The following FGGY variants were observed in gnomAD, a reference collection of about 807,000 sequenced individuals.
FGGY encodes the protein FGGY carbohydrate kinase domain-containing protein.
FGGY carries 72 observed loss-of-function variants against 71.3 expected under a neutral mutation model. That is an observed-to-expected ratio of 1.01 (90% CI 0.84 to 1.23). The LOEUF (loss-of-function observed/expected upper bound fraction) is 1.23. Among genes scored for constraint, FGGY ranks in the 50% most tolerant of loss-of-function variants. The pLI is 0.00. For missense variants in FGGY, 668 were observed against 682.3 expected, an observed-to-expected ratio of 0.98 and a Z score of 0.23; for synonymous variants, 251 against 250.3, an observed-to-expected ratio of 1.00 and a Z score of -0.02.
chr1:59,332,729 T>C lies in FGGY; in HGVS notation c.202-7229T>C, dbSNP rs2048736609. On this transcript the variant is annotated intron_variant, in intron 2 of 15. Coordinates refer to ENST00000303721, the MANE Select transcript of FGGY (RefSeq NM_018291.5). ...AGGTCTGTTGAGGGGATTCATAACA[T>C]ACATTGAAGAAAATATTTTCCTTGC... Among the ~76,000 whole-genome samples the C allele has an allele frequency of 2.6e-5, 4 of 152,204 alleles. No individual in the cohort carries two copies. In the South Asian group the frequency reaches 8.3e-4, roughly 32 times the overall value.
rs1462774385 is a variant in FGGY, at chr1:59,660,272, GGCC to G, written c.1276_1278del (p.Ala426del). On this transcript the variant is annotated inframe_deletion, in exon 12 of 16. Transcript: ENST00000303721. ...TTGATGATCTTGCCATTCTCTACCTGGCCACAGTTCAAGCCATTGCTGTAAGAT... is the reference window on the plus strand; with the variant it reads ...TTGATGATCTTGCCATTCTCTACCTGACAGTTCAAGCCATTGCTGTAAGAT... 1 of 1,613,202 alleles carries G rather than the reference GGCC, an allele frequency of 6.2e-7. No homozygotes were observed. The highest frequency in any genetic ancestry group is 8.5e-7 in the Non-Finnish European group (1 of 1,179,970).
chr1:59,735,424 G>A (rs2101061681), intron 14 of FGGY, among the ~76,000 whole-genome samples: 1 of 152,334 alleles, frequency 6.6e-6, no homozygotes, highest in African/African-American at 2.4e-5. Flanking sequence ...TTTGACACCA[G>A]GTGATATTGT....
At chr1:59,553,011 C>T (rs748141071) in intron 7 of FGGY, among the ~76,000 whole-genome samples, 21 of 152,168 alleles carry the variant, frequency 1.4e-4, no homozygotes, top group Admixed American at 7.2e-4. Flanking sequence ...CAGGGAGAAT[C>T]GTCTGTCCTA....
At chr1:59,625,853 T>C (rs2096851275) in intron 9 of FGGY, 135 bp from the exon 10 acceptor site, 2 of 558,300 alleles carry the variant, frequency 3.6e-6, no homozygotes, top group African/African-American at 1.9e-5. Flanking sequence ...TCTTGCTACA[T>C]TGGCATTTTA....
chr1:59,374,472 G>C (rs1233191951), intron 4 of FGGY, among the ~76,000 whole-genome samples: 10 of 152,082 alleles, frequency 6.6e-5, no homozygotes, highest in South Asian at 2.1e-4. Context: ...TAAACTAGTT[G>C]AACCATTGTG....
intron 5 of FGGY, among the ~76,000 whole-genome samples, chr1:59,418,297 A>G (rs2064815536): frequency 6.6e-6 from 1 of 152,210 alleles, no homozygotes; most frequent in Admixed American, 6.6e-5. Context: ...ATCTGTTTCA[A>G]CTATTGAACT....
At chr1:59,459,713 A>G (rs72915603) in intron 6 of FGGY, among the ~76,000 whole-genome samples, 2,853 of 152,310 alleles carry the variant, frequency 0.019, 102 homozygotes, top group African/African-American at 0.066. Flanking sequence ...CAGCAGGGAG[A>G]AAGGACCTTA....
chr1:59,542,682 C>G (rs1229275812), intron 7 of FGGY, among the ~76,000 whole-genome samples: 1 of 152,010 alleles, frequency 6.6e-6, no homozygotes, highest in Non-Finnish European at 1.5e-5. Context: ...TCTCGAGCTC[C>G]CAATCTCAGG....
intron 10 of FGGY, among the ~76,000 whole-genome samples, chr1:59,636,447 C>T (rs12728019): frequency 0.038 from 5,707 of 152,036 alleles, 138 homozygotes; most frequent in South Asian, 0.095. Context: ...CGGTGAAGCC[C>T]CGTCTATACT....
intron 8 of FGGY, among the ~76,000 whole-genome samples, chr1:59,573,100 A>C (rs2096014400): frequency 6.6e-6 from 1 of 152,208 alleles, no homozygotes; most frequent in Admixed American, 6.5e-5. Context: ...TAGTCTTCAA[A>C]AATGCCAAGG....
intron 11 of FGGY, 111 bp downstream of exon 11, chr1:59,638,486 G>T: frequency 7.7e-7 from 1 of 1,304,432 alleles, no homozygotes; most frequent in South Asian, 1.4e-5. Context: ...CAGGCCAACA[G>T]CCCTCTGGCT....
At chr1:59,370,900 A>G (rs1413431214) in intron 4 of FGGY, among the ~76,000 whole-genome samples, 1 of 152,204 alleles carries the variant, frequency 6.6e-6, no homozygotes, top group African/African-American at 2.4e-5. Flanking sequence ...ATAGCTCCTG[A>G]AGGAAGCACT....
intron 14 of FGGY, among the ~76,000 whole-genome samples, chr1:59,699,822 ATGAC>A (rs1239221733): frequency 7.9e-5 from 12 of 152,202 alleles, no homozygotes; most frequent in African/African-American, 2.7e-4. Flanking sequence ...CAGAGAAGTG[ATGAC>A]TGTATGTGGT....
At chr1:59,454,501 T>G (rs1213506685) in intron 5 of FGGY, among the ~76,000 whole-genome samples, 1 of 152,224 alleles carries the variant, frequency 6.6e-6, no homozygotes, top group African/African-American at 2.4e-5. Flanking sequence ...TTTATGCCAC[T>G]TAGCATAGCT....
intron 14 of FGGY, among the ~76,000 whole-genome samples, chr1:59,674,859 G>A (rs36026050): frequency 0.013 from 2,007 of 152,244 alleles, 40 homozygotes; most frequent in African/African-American, 0.045. Flanking sequence ...ATGTGGTATG[G>A]AAGCTAAGAG....
At chr1:59,371,787 A>G (rs2057693104) in intron 4 of FGGY, among the ~76,000 whole-genome samples, 1 of 152,188 alleles carries the variant, frequency 6.6e-6, no homozygotes, top group Admixed American at 6.5e-5. Flanking sequence ...TGGAAACTGA[A>G]CAACCTGCTC....
chr1:59,309,286 A>G (rs556654434), intron 1 of FGGY, among the ~76,000 whole-genome samples: 1 of 152,280 alleles, frequency 6.6e-6, no homozygotes, highest in South Asian at 2.1e-4. Flanking sequence ...TTCCTACACT[A>G]TTTGTCAGTT....
At chr1:59,347,859 G>C (rs2052405195) in intron 4 of FGGY, among the ~76,000 whole-genome samples, 1 of 151,334 alleles carries the variant, frequency 6.6e-6, no homozygotes, top group South Asian at 2.1e-4. Context: ...AACCCTAGAA[G>C]AAAACCTAGG....
intron 4 of FGGY, among the ~76,000 whole-genome samples, chr1:59,377,668 A>T (rs2058837458): frequency 6.6e-6 from 1 of 152,022 alleles, no homozygotes; most frequent in South Asian, 2.1e-4. Context: ...AACTAGACCT[A>T]AACTAACAAT....
Sources: gnomAD v4.1 joint callset for allele counts (sites outside exome capture counted in the v4.1 genomes callset) on GRCh38, gnomAD v4.1.1 for gene constraint, MANE v1.5 for transcripts, NCBI Gene and HGNC (gene_info 2026-07-23, HGNC 2026-07-21) for gene names.